Variants in JMJD7 observed in about 807,000 individuals in gnomAD.
JMJD7 encodes the protein bifunctional peptidase and (3S)-lysyl hydroxylase JMJD7.
JMJD7 carries 41 observed loss-of-function variants against 41.1 expected under a neutral mutation model. That is an observed-to-expected ratio of 1.00 (90% CI 0.78 to 1.30). The LOEUF is 1.30. Among genes scored for constraint, JMJD7 ranks in the 50% most tolerant of loss-of-function variants. JMJD7 has a pLI of 0.00. For missense variants in JMJD7, 480 were observed against 420.7 expected (o/e 1.14, Z -1.23); for synonymous variants, 202 against 177.2 (o/e 1.14, Z -1.11).
At chr15:41,830,380 G>A (rs1378505116) in intron 1 of JMJD7, among the ~76,000 whole-genome samples, 1 of 152,260 alleles carries the variant, frequency 6.6e-6, no homozygotes, top group African/African-American at 2.4e-5. Context: ...GAGCTGCCAT[G>A]CCATATGCAC....
In JMJD7 at chr15:41,836,182, G is replaced by A. The variant is rs981426054; in HGVS notation, c.564G>A (p.Val188=). The stretch of plus-strand genomic sequence containing the variant: ...ACCACTATGAGAACCTCTACTGCGT[G>A]GTCTCAGGAGAGAAGCATTTCCTGT... ...HKDHYENLYC[V]VSGEKHFLFH... Residue 188 remains valine (V), a synonymous_variant, in exon 5 of 8, where the codon GTG becomes GTA. Coordinates refer to ENST00000397299, the MANE Select transcript of JMJD7 (RefSeq NM_001114632.2). The A allele has an allele frequency of 1.9e-6, 3 of 1,612,080 alleles. No homozygotes were observed. Among genetic ancestry groups the A allele is most frequent in the African/African-American group, 2.7e-5 (2 of 74,988 alleles).
chr15:41,835,516 C>A, intron 3 of JMJD7, 72 bp from the exon 4 acceptor site: 3 of 1,568,386 alleles, frequency 1.9e-6, no homozygotes, highest in South Asian at 2.4e-5. Context: ...CAGGTTTTGG[C>A]TCTGGCATCA....
chr15:41,836,860 G>T lies in JMJD7; in HGVS notation c.782G>T (p.Cys261Phe). The change falls in exon 7 of 8, where the codon TGC becomes TTC. Residue 261 changes from cysteine (C) to phenylalanine (F), a missense_variant. Coordinates refer to ENST00000397299, the MANE Select transcript of JMJD7 (RefSeq NM_001114632.2). ...TACAGTCAGGCCCAGGCCCTTCGCT[G>T]CACGGTGCGGGCCGGTGAGATGCTC... ...PSYSQAQALR[C>F]TVRAGEMLYL... The T allele has an allele frequency of 6.2e-7, 1 of 1,613,272 alleles. No individual in the cohort carries two copies. Among genetic ancestry groups the T allele is most frequent in the South Asian group, 1.1e-5 (1 of 91,046 alleles).
rs746244300 is a variant in JMJD7, at chr15:41,835,072, GC to G, written c.325del (p.Leu109Ter). 1 of 1,613,776 alleles carries G rather than the reference GC, an allele frequency of 6.2e-7. No individual in the cohort carries two copies. Among genetic ancestry groups the G allele is most frequent in the Non-Finnish European group, 8.5e-7 (1 of 1,180,040 alleles). ...TCATGATGCCAGCTGAGCGCCGCCT[GC>G]CCCTGAGCTTCGTGCTGGATGTGCT... ...RFMMPAERRL[P>X]LSFVLDVLEG... On this transcript the variant is annotated frameshift_variant, in exon 3 of 8. Transcript: ENST00000397299. LOFTEE classifies it high-confidence loss of function.
rs2065343478 is a variant in JMJD7, at chr15:41,837,474, G to A, written c.*318G>A. On this transcript the variant is annotated 3_prime_UTR_variant, in exon 8 of 8. Coordinates refer to ENST00000397299, the MANE Select transcript of JMJD7 (RefSeq NM_001114632.2). ...GGCATTGGTGTCCTGTCAGTAAAGA[G>A]ATAATAATGGCTGTACCTCGCGGGG... 1 of 419,676 alleles carries A rather than the reference G, an allele frequency of 2.4e-6. No homozygotes were observed. The allele number at this position is 419,676 out of a possible 1,614,324, so 26.0% of individuals were successfully genotyped here.
intron 1 of JMJD7, among the ~76,000 whole-genome samples, chr15:41,833,414 A>ATATATATTTTTTTTTTTTTTTTTT (rs1239528383): frequency 3.1e-5 from 1 of 31,998 alleles, no homozygotes; most frequent in Non-Finnish European, 6.1e-5. Context: ...ATATATATAT[A>ATATATATTTTTTTTTTTTTTTTTT]TTTTTTTTTT....
chr15:41,828,236 G>A (rs779512822), intron 1 of JMJD7, 48 bp downstream of exon 1: 1 of 1,479,104 alleles, frequency 6.8e-7, no homozygotes, highest in Non-Finnish European at 8.9e-7. Context: ...CACGGGAGGG[G>A]CCCTGGGATG....
intron 1 of JMJD7, among the ~76,000 whole-genome samples, chr15:41,834,398 G>A (rs1361073415): frequency 1.3e-5 from 2 of 152,338 alleles, no homozygotes; most frequent in East Asian, 3.9e-4. Context: ...CCACTTCCAT[G>A]GTGGCCTTTC....
At chr15:41,829,653 T>A (rs895580540) in intron 1 of JMJD7, among the ~76,000 whole-genome samples, 1 of 152,214 alleles carries the variant, frequency 6.6e-6, no homozygotes, top group Non-Finnish European at 1.5e-5. Context: ...CTTTTGAAAT[T>A]TTCTCACTTG....
At chr15:41,833,654 C>T (rs2065267037) in intron 1 of JMJD7, among the ~76,000 whole-genome samples, 1 of 151,730 alleles carries the variant, frequency 6.6e-6, no homozygotes, top group Admixed American at 6.6e-5. Flanking sequence ...CTCCCGGCCT[C>T]AGCAATCCTC....
chr15:41,828,182 G>C lies in JMJD7; in HGVS notation c.58G>C (p.Ala20Pro), dbSNP rs766464489. ...RSELREFPAA[A>P]RELCVPLAVP... Reference sequence around the variant, plus strand: ...CGAGTTACGAGAATTCCCGGCCGCTGCAAGGGGTGAGTGGCTCTCCCACAG... The same window carrying C: ...CGAGTTACGAGAATTCCCGGCCGCTCCAAGGGGTGAGTGGCTCTCCCACAG... Residue 20 changes from alanine to proline, a missense_variant, in exon 1 of 8, where the codon GCA becomes CCA. Transcript: ENST00000397299. 2 of 1,500,452 alleles carry C rather than the reference G, an allele frequency of 1.3e-6. No individual in the cohort carries two copies. Among genetic ancestry groups the C allele is most frequent in the Non-Finnish European group, 1.8e-6 (2 of 1,135,384 alleles). The allele number at this position is 1,500,452 out of a possible 1,614,324, so 92.9% of individuals were successfully genotyped here. A position where few individuals can be genotyped will look rare whatever the true frequency, so the allele number is the denominator to read the frequency against.
chr15:41,837,461 C>T lies in JMJD7; in HGVS notation c.*305C>T, dbSNP rs2065343246. ...TCACTGCGTCTCGGGCATTGGTGTC[C>T]TGTCAGTAAAGAGATAATAATGGCT... On this transcript the variant is annotated 3_prime_UTR_variant, in exon 8 of 8. Coordinates refer to ENST00000397299, the MANE Select transcript of JMJD7 (RefSeq NM_001114632.2). 2.2e-6 allele frequency: 1 copy of T among 454,974 alleles called. No homozygotes were observed. Among genetic ancestry groups the T allele is most frequent in the Non-Finnish European group, 3.9e-6 (1 of 254,266 alleles). 28.2% of individuals were successfully genotyped at this position (454,974 alleles called of 1,614,324 possible).
chr15:41,836,109 C>T (rs533913301), intron 4 of JMJD7, 39 bp from the exon 5 acceptor site: 2 of 1,549,882 alleles, frequency 1.3e-6, no homozygotes, highest in East Asian at 4.5e-5. Flanking sequence ...GTGCCCCTGC[C>T]CTCCATACCC....
chr15:41,837,479 T>G lies in JMJD7; in HGVS notation c.*323T>G. 1 of 395,476 alleles carries G rather than the reference T, an allele frequency of 2.5e-6. No individual in the cohort carries two copies. Among genetic ancestry groups the G allele is most frequent in the Non-Finnish European group, 4.6e-6 (1 of 219,092 alleles). The allele number at this position is 395,476 out of a possible 1,614,324, so 24.5% of individuals were successfully genotyped here. On this transcript the variant is annotated 3_prime_UTR_variant, in exon 8 of 8. Transcript: ENST00000397299. ...TGGTGTCCTGTCAGTAAAGAGATAATAATGGCTGTACCTCGCGGGGCTGTT... is the reference window on the plus strand; with the variant it reads ...TGGTGTCCTGTCAGTAAAGAGATAAGAATGGCTGTACCTCGCGGGGCTGTT...
rs1035241589 is a variant in JMJD7 at position 41,837,402 on chromosome 15, G to A, written c.*246G>A. 16 of 552,900 alleles carry A rather than the reference G, an allele frequency of 2.9e-5. No individual in the cohort carries two copies. The highest frequency in any genetic ancestry group is 9.0e-5 in the East Asian group (3 of 33,504). 34.2% of individuals were successfully genotyped at this position (552,900 alleles called of 1,614,324 possible). A position where few individuals can be genotyped will look rare whatever the true frequency, so the allele number is the denominator to read the frequency against. On this transcript the variant is annotated 3_prime_UTR_variant, in exon 8 of 8. Coordinates refer to ENST00000397299, the MANE Select transcript of JMJD7 (RefSeq NM_001114632.2). Reference sequence around the variant, plus strand: ...GAGCAGAGTGGGGATCAGGTGCAGCGGCACCTCTCCCCAGCGCTGTGATGT... The same window carrying A: ...GAGCAGAGTGGGGATCAGGTGCAGCAGCACCTCTCCCCAGCGCTGTGATGT...
At position 41,836,490 on chromosome 15, in the gene JMJD7, C is replaced by T. The variant is rs1394395154; in HGVS notation, c.641C>T (p.Ala214Val). The T allele has an allele frequency of 5.7e-6, 9 of 1,589,080 alleles. No homozygotes were observed. The highest frequency in any genetic ancestry group is 1.8e-5 in the Admixed American group (1 of 55,680). The change falls in exon 6 of 8, where the codon GCA becomes GTA. Residue 214 changes from alanine to valine, a missense_variant. Physicochemically the swap from Ala to Val is moderately conservative, Grantham distance 64. Coordinates refer to ENST00000397299, the MANE Select transcript of JMJD7 (RefSeq NM_001114632.2). ...TGGGCTCCAGAGCTGTACACGCCGG[C>T]AACCTACCAGCTAACTGAAGAGGGC... The part of the protein sequence containing the change: ...PFIPYELYTP[A>V]TYQLTEEGTF...
intron 1 of JMJD7, among the ~76,000 whole-genome samples, chr15:41,831,741 C>G (rs1442077199): frequency 6.6e-6 from 1 of 152,182 alleles, no homozygotes; most frequent in Non-Finnish European, 1.5e-5. Flanking sequence ...TGGGTCTCCT[C>G]TGAGCTATCC....
chr15:41,835,364 C>T lies in JMJD7; in HGVS notation c.472+141C>T. On this transcript the variant is annotated intron_variant, in intron 3 of 7. Coordinates refer to ENST00000397299, the MANE Select transcript of JMJD7 (RefSeq NM_001114632.2). The stretch of plus-strand genomic sequence containing the variant: ...TGGTGCAGCTCACTAAATACATTCC[C>T]AGGCCTTGACTTAATCATAGATGAA... The T allele has an allele frequency of 1.5e-5, 21 of 1,361,358 alleles. No individual in the cohort carries two copies. In the South Asian group the frequency reaches 1.6e-4, roughly 11 times the overall value. The allele number at this position is 1,361,358 out of a possible 1,614,324, so 84.3% of individuals were successfully genotyped here.
chr15:41,830,974 G>A (rs2065221629), intron 1 of JMJD7, among the ~76,000 whole-genome samples: 2 of 152,258 alleles, frequency 1.3e-5, no homozygotes, highest in South Asian at 4.1e-4. Flanking sequence ...CAGGTTCCTG[G>A]GTGGAAGGTG....
Sources: allele counts gnomAD v4.1 joint callset (sites outside exome capture counted in the v4.1 genomes callset), GRCh38; gene constraint gnomAD v4.1.1; transcripts MANE v1.5; gene names NCBI Gene and HGNC (gene_info 2026-07-23, HGNC 2026-07-21).